The following CORO7 variants were observed in gnomAD, a reference collection of about 807,000 sequenced individuals.
CORO7 encodes the protein coronin 7.
A neutral mutation model predicts 126.6 loss-of-function variants in CORO7; 107 were observed. The ratio of observed to expected loss-of-function variants is 0.85; its 90% CI spans 0.72 to 0.99. The LOEUF is 0.99. Among genes scored for constraint, CORO7 ranks in the 50% least tolerant of loss-of-function variants. The pLI is 0.00. For synonymous variants in CORO7, 603 were observed against 536.8 expected (o/e 1.12, Z -1.70); for missense variants, 1,314 against 1,255.8 (o/e 1.05, Z -0.70).
intron 9 of CORO7, chr16:4,382,655 TGGGGGCAGCCTACTGTGTGCGGC>T (rs940509334): frequency 7.7e-6 from 12 of 1,553,330 alleles, no homozygotes; most frequent in African/African-American, 1.4e-5. Context: ...CTGGCTGCGG[TGGGGGCAGCCTACTGTGTGCGGC>T]GGGGGCGGGC....
intron 9 of CORO7, among the ~76,000 whole-genome samples, chr16:4,387,555 C>A (rs1223440073): frequency 6.8e-6 from 1 of 147,210 alleles, no homozygotes; most frequent in African/African-American, 2.5e-5. Context: ...CCTCCACCCC[C>A]ACCCCCACCC....
chr16:4,410,096 T>C (rs2056146470), intron 3 of CORO7, among the ~76,000 whole-genome samples: 1 of 152,110 alleles, frequency 6.6e-6, no homozygotes, highest in South Asian at 2.1e-4. Flanking sequence ...ATCACCAACT[T>C]GGGCTAGCTC....
chr16:4,365,713 C>A (rs1393121122), intron 9 of CORO7, among the ~76,000 whole-genome samples, 168 bp from the exon 10 acceptor site: 2 of 152,174 alleles, frequency 1.3e-5, no homozygotes, highest in African/African-American at 4.8e-5. Flanking sequence ...GAGCTTCCCA[C>A]ATGCCCAACA....
At chr16:4,365,725 A>C in intron 9 of CORO7, among the ~76,000 whole-genome samples, 180 bp from the exon 10 acceptor site, 1 of 151,636 alleles carries the variant, frequency 6.6e-6, no homozygotes, top group Non-Finnish European at 1.5e-5. Flanking sequence ...TGCCCAACAC[A>C]CGCCCACACC....
chr16:4,416,360 C>T lies in CORO7; in HGVS notation c.60+99G>A, dbSNP rs1252797329. 3 of 1,378,158 alleles carry T rather than the reference C, an allele frequency of 2.2e-6. No homozygotes were observed. In the African/African-American group the frequency reaches 4.6e-5, roughly 21 times the overall value. The allele number at this position is 1,378,158 out of a possible 1,614,324, so 85.4% of individuals were successfully genotyped here. ...CCCGGGGATGGAGGTCTCGGGGTTC[C>T]AGACGGCCCTGGAGGGCACCCCTGT... On this transcript the variant is annotated intron_variant, in intron 1 of 27. Coordinates refer to ENST00000251166, the MANE Select transcript of CORO7 (RefSeq NM_024535.5).
At chr16:4,411,735 C>G (rs1487484084) in intron 3 of CORO7, among the ~76,000 whole-genome samples, 2 of 152,062 alleles carry the variant, frequency 1.3e-5, no homozygotes, top group Non-Finnish European at 2.9e-5. Flanking sequence ...GGCCTCCAAA[C>G]AAGCAGCCAG....
intron 24 of CORO7, 121 bp from the exon 25 acceptor site, chr16:4,358,224 G>C: frequency 2.0e-6 from 3 of 1,535,872 alleles, no homozygotes; most frequent in Non-Finnish European, 2.6e-6. Flanking sequence ...GCTTCCATGA[G>C]TTTCAGCATC....
At chr16:4,407,478 G>A (rs558758390) in intron 5 of CORO7, 23 bp downstream of exon 5, 2 of 1,557,256 alleles carry the variant, frequency 1.3e-6, no homozygotes, top group Admixed American at 1.9e-5. Context: ...GCCCTGGGAA[G>A]GGCAGGCCAG....
chr16:4,415,348 C>T (rs1234510417), intron 1 of CORO7, among the ~76,000 whole-genome samples: 1 of 152,158 alleles, frequency 6.6e-6, no homozygotes, highest in Non-Finnish European at 1.5e-5. Context: ...CTGGCCTCAG[C>T]TAAAATGCCA....
At chr16:4,386,028 G>T (rs983372197) in intron 9 of CORO7, among the ~76,000 whole-genome samples, 4 of 152,204 alleles carry the variant, frequency 2.6e-5, no homozygotes, top group African/African-American at 9.6e-5. Flanking sequence ...GTTAGTGGGG[G>T]GCTCCAGCTT....
chr16:4,357,554 C>A, intron 25 of CORO7: 1 of 352,530 alleles, frequency 2.8e-6, no homozygotes. Flanking sequence ...TGGGGTTTCA[C>A]CATGTTGGCC....
At position 4,368,109 on chromosome 16, in the gene CORO7, G is replaced by A. The variant is rs536049138; in HGVS notation, c.786-2564C>T. Among the ~76,000 whole-genome samples the A allele has an allele frequency of 3.3e-5, 5 of 152,302 alleles. No homozygotes were observed. In the South Asian group the frequency reaches 1.0e-3, roughly 32 times the overall value. Reference sequence around the variant, plus strand: ...CGCCTGTAATCCCAGCACTTTGGGAGGCCGAGGTGGGTGGATCACTGGAGG... The same window carrying A: ...CGCCTGTAATCCCAGCACTTTGGGAAGCCGAGGTGGGTGGATCACTGGAGG... On this transcript the variant is annotated intron_variant, in intron 9 of 27. Coordinates refer to ENST00000251166, the MANE Select transcript of CORO7 (RefSeq NM_024535.5).
At chr16:4,365,139 A>T (rs111322989) in intron 10 of CORO7, 79 bp from the exon 11 acceptor site, 20 of 1,540,018 alleles carry the variant, frequency 1.3e-5, no homozygotes, top group African/African-American at 1.1e-4. Flanking sequence ...GCTCCCCCAC[A>T]GGTCCCCAAG....
In CORO7 at chr16:4,355,298, G is replaced by A. The variant is rs150440383; in HGVS notation, c.2760C>T (p.Asp920=). The change falls in exon 27 of 28, where the codon GAC becomes GAT. Residue 920 remains aspartate (D), a synonymous_variant. Coordinates refer to ENST00000251166, the MANE Select transcript of CORO7 (RefSeq NM_024535.5). ...PLPQDSFEGV[D]EDEWD ...ACTCACTACTCACCCACTCGTCCTC[G>A]TCCACGCCTTCAAAGGAGTCCTGGG... The A allele has an allele frequency of 1.2e-5, 19 of 1,613,368 alleles. No homozygotes were observed. In the East Asian group the frequency reaches 1.3e-4, roughly 11 times the overall value.
chr16:4,380,668 G>A (rs965546135), intron 9 of CORO7, among the ~76,000 whole-genome samples: 1 of 152,246 alleles, frequency 6.6e-6, no homozygotes, highest in African/African-American at 2.4e-5. Context: ...ACCTCTGTGT[G>A]CATTGACAAG....
chr16:4,367,935 C>T (rs918351524), intron 9 of CORO7, among the ~76,000 whole-genome samples: 1 of 152,182 alleles, frequency 6.6e-6, no homozygotes, highest in Non-Finnish European at 1.5e-5. Flanking sequence ...TGACTCATGT[C>T]TGTGATCCCA....
intron 9 of CORO7, chr16:4,381,805 G>A (rs762546570): frequency 1.9e-6 from 3 of 1,600,484 alleles, no homozygotes; most frequent in African/African-American, 1.3e-5. Context: ...GAGCTGGTTT[G>A]GCCCCTGGGT....
intron 9 of CORO7, chr16:4,382,840 C>G: frequency 6.3e-7 from 1 of 1,595,144 alleles, no homozygotes; most frequent in Non-Finnish European, 8.5e-7. Context: ...TGAGGTGCCA[C>G]TCATGGGCTT....
In CORO7 at chr16:4,362,768, G is replaced by GC. The variant is rs2054224414; in HGVS notation, c.1276-31dup. On this transcript the variant is annotated intron_variant, in intron 14 of 27. Coordinates refer to ENST00000251166, the MANE Select transcript of CORO7 (RefSeq NM_024535.5). The surrounding 1 kb of genome is among the most constrained non-coding windows in gnomAD (Gnocchi z 5.3). ...GGAGGGGCATGGGGTCAGCCAGCCT[G>GC]CTCCTAGGTGTACTGGCCAAAAGGA... 7.5e-7 allele frequency: 1 copy of GC among 1,340,392 alleles called. No individual in the cohort carries two copies. 83.0% of individuals were successfully genotyped at this position (1,340,392 alleles called of 1,614,324 possible).
Sources: allele counts gnomAD v4.1 joint callset (sites outside exome capture counted in the v4.1 genomes callset), GRCh38; gene constraint gnomAD v4.1.1; non-coding constraint Gnocchi (gnomAD v3.1); transcripts MANE v1.5; gene names NCBI Gene and HGNC (gene_info 2026-07-23, HGNC 2026-07-21).